The following THADA variants were observed in gnomAD, a reference collection of about 807,000 sequenced individuals.
The protein encoded by THADA is tRNA (32-2'-O)-methyltransferase regulator THADA.
THADA carries 213 observed loss-of-function variants against 219.8 expected under a neutral mutation model. The ratio of observed to expected loss-of-function variants is 0.97; its 90% CI spans 0.87 to 1.09. The LOEUF is 1.09. Ranked by LOEUF, THADA falls within the 50% of genes least tolerant of loss-of-function variation. THADA has a pLI of 0.00. For missense variants in THADA, 2,956 were observed against 2,311.3 expected (o/e 1.28, Z -5.72); for synonymous variants, 1,018 against 828.9 (o/e 1.23, Z -3.92).
intron 34 of THADA, among the ~76,000 whole-genome samples, chr2:43,289,600 G>C (rs1275503288): frequency 6.6e-6 from 1 of 152,186 alleles, no homozygotes; most frequent in Non-Finnish European, 1.5e-5. Context: ...GCCTTGGCAG[G>C]CTTGTTAGGC....
At chr2:43,460,238 TAAAAAAA>T (rs10560565) in intron 26 of THADA, among the ~76,000 whole-genome samples, 233 of 63,546 alleles carry the variant, frequency 3.7e-3, no homozygotes, top group Middle Eastern at 0.014. Flanking sequence ...TTTCTCTTAA[TAAAAAAA>T]AAAAAAAAAA....
intron 14 of THADA, 110 bp downstream of exon 14, chr2:43,570,278 A>G: frequency 8.7e-7 from 1 of 1,150,630 alleles, no homozygotes. Flanking sequence ...AAGGAAAAAA[A>G]CACAGAAACA....
intron 25 of THADA, among the ~76,000 whole-genome samples, chr2:43,496,834 A>T (rs1688331887): frequency 1.3e-5 from 2 of 152,192 alleles, no homozygotes; most frequent in African/African-American, 4.8e-5. Flanking sequence ...TGACTCAGAT[A>T]ATTTATACAT....
At chr2:43,485,878 A>T (rs991884118) in intron 25 of THADA, among the ~76,000 whole-genome samples, 1 of 151,826 alleles carries the variant, frequency 6.6e-6, no homozygotes, top group Non-Finnish European at 1.5e-5. Context: ...AAAAAAAAAA[A>T]GTATTTTTTT....
intron 25 of THADA, among the ~76,000 whole-genome samples, chr2:43,486,084 T>A (rs909828162): frequency 2.6e-5 from 4 of 151,694 alleles, no homozygotes; most frequent in African/African-American, 9.7e-5. Flanking sequence ...AACCTGTCTT[T>A]AAAAAAACAA....
intron 31 of THADA, among the ~76,000 whole-genome samples, chr2:43,319,794 G>A (rs922519032): frequency 6.6e-6 from 1 of 152,130 alleles, no homozygotes; most frequent in African/African-American, 2.4e-5. Flanking sequence ...ATGAAAATCA[G>A]TTTCAGTCCG....
intron 22 of THADA, among the ~76,000 whole-genome samples, chr2:43,517,107 T>C (rs1691821182): frequency 6.6e-6 from 1 of 152,128 alleles, no homozygotes; most frequent in African/African-American, 2.4e-5. Flanking sequence ...GAGAGCTAGC[T>C]AGAAAATTAA....
At chr2:43,267,125 C>T (rs991505548) in intron 36 of THADA, among the ~76,000 whole-genome samples, 1 of 152,130 alleles carries the variant, frequency 6.6e-6, no homozygotes, top group Non-Finnish European at 1.5e-5. Flanking sequence ...AGAGATGATA[C>T]AGGGATCAGC....
intron 30 of THADA, among the ~76,000 whole-genome samples, chr2:43,324,884 C>CA (rs953370416): frequency 6.6e-6 from 1 of 151,336 alleles, no homozygotes; most frequent in Non-Finnish European, 1.5e-5. Context: ...TTATAGTGCT[C>CA]AAAAAAAATC....
chr2:43,391,171 A>C (rs891723763), intron 29 of THADA, among the ~76,000 whole-genome samples: 1 of 152,106 alleles, frequency 6.6e-6, no homozygotes, highest in South Asian at 2.1e-4. Context: ...TACATCACAT[A>C]CACACACACT....
At chr2:43,393,023 A>T (rs1014182519) in intron 29 of THADA, among the ~76,000 whole-genome samples, 1 of 152,190 alleles carries the variant, frequency 6.6e-6, no homozygotes, top group Non-Finnish European at 1.5e-5. Context: ...ACCCTTAAGG[A>T]TGACAGAAGG....
intron 26 of THADA, among the ~76,000 whole-genome samples, chr2:43,474,466 T>G (rs1442357888): frequency 6.6e-6 from 1 of 152,162 alleles, no homozygotes; most frequent in Non-Finnish European, 1.5e-5. Context: ...TCTCTCCTCC[T>G]CCACTCTTCC....
intron 29 of THADA, among the ~76,000 whole-genome samples, chr2:43,351,264 G>C (rs965156240): frequency 9.2e-5 from 14 of 152,120 alleles, no homozygotes; most frequent in African/African-American, 2.9e-4. Flanking sequence ...GGCACTAAAG[G>C]CTCAATCTAC....
chr2:43,506,930 CAT>C (rs1689748044), intron 23 of THADA, among the ~76,000 whole-genome samples: 1 of 152,086 alleles, frequency 6.6e-6, no homozygotes, highest in Non-Finnish European at 1.5e-5. Context: ...AGAAATTTCT[CAT>C]AGTTTATTTA....
chr2:43,332,161 C>T (rs1261175693), intron 30 of THADA, among the ~76,000 whole-genome samples: 1 of 152,248 alleles, frequency 6.6e-6, no homozygotes, highest in Non-Finnish European at 1.5e-5. Context: ...TCTTGGCTCA[C>T]TGCAACCTCC....
At chr2:43,506,222 G>C (rs559976555) in intron 23 of THADA, among the ~76,000 whole-genome samples, 1 of 152,244 alleles carries the variant, frequency 6.6e-6, no homozygotes, top group African/African-American at 2.4e-5. Context: ...TCATTACTTG[G>C]AGGACTAATC....
chr2:43,584,270 C>A (rs1041801472), intron 7 of THADA, among the ~76,000 whole-genome samples: 1 of 152,100 alleles, frequency 6.6e-6, no homozygotes, highest in African/African-American at 2.4e-5. Context: ...GAGATGTCCA[C>A]AAGTTAACTG....
chr2:43,512,199 A>C (rs1282827623), intron 22 of THADA, among the ~76,000 whole-genome samples: 1 of 152,160 alleles, frequency 6.6e-6, no homozygotes, highest in Non-Finnish European at 1.5e-5. Flanking sequence ...GGAAATGCTC[A>C]AGGCACCAGC....
chr2:43,409,271 A>G (rs1278424412), intron 28 of THADA, among the ~76,000 whole-genome samples: 1 of 152,204 alleles, frequency 6.6e-6, no homozygotes, highest in Non-Finnish European at 1.5e-5. Context: ...GTTTCACAGA[A>G]ACACTTCAAG....
Sources: gnomAD v4.1 joint callset for allele counts (sites outside exome capture counted in the v4.1 genomes callset) on GRCh38, gnomAD v4.1.1 for gene constraint, MANE v1.5 for transcripts, NCBI Gene and HGNC (gene_info 2026-07-23, HGNC 2026-07-21) for gene names.